MAGI3: variants seen among roughly 807,000 people sequenced by gnomAD.
The protein encoded by MAGI3 is membrane-associated guanylate kinase, WW and PDZ domain-containing protein 3.
MAGI3 carries 43 observed loss-of-function variants against 121.8 expected under a neutral mutation model. That is an observed-to-expected ratio of 0.35 (90% CI 0.28 to 0.46). MAGI3 has a LOEUF of 0.46. Among genes scored for constraint, MAGI3 ranks in the 20% least tolerant of loss-of-function variants. The pLI is 1.00. For missense variants in MAGI3, 1,547 were observed against 1,797.3 expected (o/e 0.86, Z 2.52); for synonymous variants, 553 against 639.3 (o/e 0.86, Z 2.04).
At chr1:113,531,264 T>C (rs1024502081) in intron 1 of MAGI3, among the ~76,000 whole-genome samples, 4 of 152,226 alleles carry the variant, frequency 2.6e-5, no homozygotes, top group South Asian at 2.1e-4. Context: ...GGAACAATTA[T>C]TTAGAATTTA....
rs1169324941 is a variant in MAGI3 at position 113,540,124 on chromosome 1, G to T, written c.317-9391G>T. Reference sequence around the variant, plus strand: ...CCAAAACATTACTTTTAATGATGTTGCTTAGTGAAAGGGTTTGTGTGTCTT... The same window carrying T: ...CCAAAACATTACTTTTAATGATGTTTCTTAGTGAAAGGGTTTGTGTGTCTT... On this transcript the variant is annotated intron_variant, in intron 1 of 20. Coordinates refer to ENST00000307546, the MANE Select transcript of MAGI3 (RefSeq NM_001142782.2). 2.0e-5 allele frequency among the ~76,000 whole-genome samples: 3 copies of T among 152,118 alleles called. No homozygotes were observed. In the East Asian group the frequency reaches 5.8e-4, roughly 29 times the overall value.
chr1:113,578,278 A>G (rs1458577343), intron 2 of MAGI3, among the ~76,000 whole-genome samples: 1 of 152,180 alleles, frequency 6.6e-6, no homozygotes. Context: ...AAATTAATCA[A>G]AGCATATCAT....
At chr1:113,550,530 C>T (rs1346429452) in intron 2 of MAGI3, among the ~76,000 whole-genome samples, 1 of 151,630 alleles carries the variant, frequency 6.6e-6, no homozygotes, top group African/African-American at 2.4e-5. Flanking sequence ...CTGAGGTGGG[C>T]AGATCACCTG....
chr1:113,406,347 C>A (rs1651681614), intron 1 of MAGI3, among the ~76,000 whole-genome samples: 1 of 146,922 alleles, frequency 6.8e-6, no homozygotes, highest in Non-Finnish European at 1.5e-5. Flanking sequence ...ACTCAGGAGG[C>A]TAAGATAAGA....
intron 1 of MAGI3, among the ~76,000 whole-genome samples, chr1:113,408,676 T>C (rs1651815297): frequency 6.6e-6 from 1 of 152,092 alleles, no homozygotes; most frequent in African/African-American, 2.4e-5. Context: ...AATAGAGCAT[T>C]ATGTTCTTTC....
intron 9 of MAGI3, among the ~76,000 whole-genome samples, chr1:113,629,763 C>CTCTCTCTCTCTCCCT (rs143631602): frequency 6.6e-4 from 30 of 45,202 alleles, no homozygotes; most frequent in Non-Finnish European, 1.2e-3. Context: ...TCTCTCTCTC[C>CTCTCTCTCTCTCCCT]CTCCCTCCCT....
At position 113,644,903 on chromosome 1, in the gene MAGI3, C is replaced by T. The variant is rs370992575; in HGVS notation, c.1998+1129C>T. Among the ~76,000 whole-genome samples, 5 of 152,220 alleles carry T rather than the reference C, an allele frequency of 3.3e-5. No homozygotes were observed. The East Asian group carries it at 5.8e-4, about 18-fold the overall frequency. On this transcript the variant is annotated intron_variant, in intron 11 of 20. Transcript: ENST00000307546. ...TATCTCAAAATCAAAAGATGGCCTT[C>T]CATAACCATAAACTATAGACAATTA...
chr1:113,618,544 C>T (rs778603581), intron 7 of MAGI3: 9 of 448,228 alleles, frequency 2.0e-5, no homozygotes, highest in Middle Eastern at 6.9e-4. Context: ...TCACTCTTGT[C>T]GCCCAAGCTG....
chr1:113,602,693 C>T (rs1384112479), intron 6 of MAGI3, among the ~76,000 whole-genome samples: 1 of 152,110 alleles, frequency 6.6e-6, no homozygotes, highest in Non-Finnish European at 1.5e-5. Flanking sequence ...GCACTTTAGG[C>T]GGCCAAGGCA....
At chr1:113,410,146 T>C (rs1192853462) in intron 1 of MAGI3, among the ~76,000 whole-genome samples, 2 of 152,174 alleles carry the variant, frequency 1.3e-5, no homozygotes, top group Non-Finnish European at 2.9e-5. Flanking sequence ...AGTATTTTGT[T>C]GTTCAAAATA....
intron 14 of MAGI3, among the ~76,000 whole-genome samples, chr1:113,652,816 G>T (rs1653247738): frequency 6.6e-6 from 1 of 152,174 alleles, no homozygotes; most frequent in Non-Finnish European, 1.5e-5. Flanking sequence ...TAAAAAATCA[G>T]TTAGGACTTT....
At chr1:113,643,598 G>T (rs1652669992) in intron 10 of MAGI3, 145 bp from the exon 11 acceptor site, 2 of 690,596 alleles carry the variant, frequency 2.9e-6, no homozygotes, top group South Asian at 1.8e-5. Context: ...GATAATATAT[G>T]TATAATGCCT....
chr1:113,565,711 T>C (rs1557826493), intron 2 of MAGI3, among the ~76,000 whole-genome samples: 1 of 152,368 alleles, frequency 6.6e-6, no homozygotes, highest in East Asian at 1.9e-4. Context: ...ATAGGATTTA[T>C]ATGAAGTATA....
intron 1 of MAGI3, among the ~76,000 whole-genome samples, chr1:113,546,039 C>T (rs1405292862): frequency 6.6e-6 from 1 of 152,144 alleles, no homozygotes. Context: ...CCACAGTCAG[C>T]TGCCTGTTCA....
intron 9 of MAGI3, among the ~76,000 whole-genome samples, chr1:113,625,631 C>T (rs1651193958): frequency 6.6e-6 from 1 of 152,150 alleles, no homozygotes; most frequent in African/African-American, 2.4e-5. Flanking sequence ...AAGATCCCAT[C>T]ATCTGCAAAC....
intron 20 of MAGI3, chr1:113,682,399 T>C: frequency 2.1e-6 from 3 of 1,431,812 alleles, no homozygotes; most frequent in Non-Finnish European, 2.7e-6. Context: ...TTCTGCACTT[T>C]TCAGTCTTCT....
chr1:113,564,948 C>G (rs930601408), intron 2 of MAGI3, among the ~76,000 whole-genome samples: 8 of 152,030 alleles, frequency 5.3e-5, no homozygotes, highest in Non-Finnish European at 1.2e-4. Flanking sequence ...CTCCCAGGTT[C>G]AAGTGATTCT....
intron 1 of MAGI3, among the ~76,000 whole-genome samples, chr1:113,517,661 T>C (rs900358287): frequency 1.3e-4 from 20 of 152,142 alleles, no homozygotes; most frequent in Admixed American, 1.1e-3. Context: ...TGCCTGTAGC[T>C]TCACATATCA....
At chr1:113,653,572 G>A (rs1271176412) in intron 14 of MAGI3, among the ~76,000 whole-genome samples, 2 of 151,048 alleles carry the variant, frequency 1.3e-5, no homozygotes, top group Non-Finnish European at 2.9e-5. Flanking sequence ...ACGCCATCTC[G>A]GGGAAAAAAA....
Sources: gnomAD v4.1 joint callset for allele counts (sites outside exome capture counted in the v4.1 genomes callset) on GRCh38, gnomAD v4.1.1 for gene constraint, MANE v1.5 for transcripts, NCBI Gene and HGNC (gene_info 2026-07-23, HGNC 2026-07-21) for gene names.